Variants in NXN observed in about 807,000 individuals in gnomAD.
NXN encodes the protein nucleoredoxin.
Under a neutral mutation model 48.6 loss-of-function variants are expected in NXN, and 16 were observed. The observed-to-expected ratio is 0.33, with a 90% CI of 0.22 to 0.50. The LOEUF (loss-of-function observed/expected upper bound fraction) is 0.50. Ranked by LOEUF, NXN falls within the 20% of genes least tolerant of loss-of-function variation. The pLI is 0.98. For missense variants in NXN, 492 were observed against 605.5 expected, an observed-to-expected ratio of 0.81 and a Z score of 1.97; for synonymous variants, 281 against 269.6, an observed-to-expected ratio of 1.04 and a Z score of -0.41.
At chr17:898,725 G>A (rs1454797770) in intron 1 of NXN, among the ~76,000 whole-genome samples, 2 of 69,678 alleles carry the variant, frequency 2.9e-5, no homozygotes, top group African/African-American at 6.6e-5. Context: ...TAGCCAGGAC[G>A]GTAGTGCACA....
intron 1 of NXN, among the ~76,000 whole-genome samples, chr17:911,664 C>T (rs2144924698): frequency 6.6e-6 from 1 of 151,316 alleles, no homozygotes; most frequent in African/African-American, 2.4e-5. Context: ...AGGTTTCTTT[C>T]ACCCTGTTAG....
rs1567850413 is a variant in NXN, at chr17:889,763, A to AAAG, written c.361-63686_361-63685insCTT. 3.9e-4 allele frequency among the ~76,000 whole-genome samples: 47 copies of AAAG among 121,464 alleles called. 1 individual carries two copies. Among genetic ancestry groups the AAAG allele is most frequent in the South Asian group, 1.7e-3 (5 of 2,904 alleles). 79.7% of individuals were successfully genotyped at this position (121,464 alleles called of 152,430 possible). On this transcript the variant is annotated intron_variant, in intron 1 of 7. Coordinates refer to ENST00000336868, the MANE Select transcript of NXN (RefSeq NM_022463.5). ...AGAAAGAAAGAAAGAAAGAAAGAAA[A>AAAG]AGAAAGAAAGAAAAGAGAGAGAAAA...
At chr17:906,603 G>T (rs58829953) in intron 1 of NXN, among the ~76,000 whole-genome samples, 2 of 149,290 alleles carry the variant, frequency 1.3e-5, no homozygotes, top group East Asian at 3.9e-4. Context: ...GTCTCACTCT[G>T]TCACCCAGGC....
chr17:941,891 C>T (rs1183142329), intron 1 of NXN, among the ~76,000 whole-genome samples: 3 of 59,636 alleles, frequency 5.0e-5, no homozygotes, highest in Non-Finnish European at 6.8e-5. Context: ...GATTCCAGGG[C>T]GCAGCCATGA....
At chr17:831,031 T>C (rs1913432134) in intron 1 of NXN, among the ~76,000 whole-genome samples, 1 of 147,400 alleles carries the variant, frequency 6.8e-6, no homozygotes, top group African/African-American at 2.5e-5. Flanking sequence ...CTCTAACCTA[T>C]GCTGATTGGG....
At chr17:969,165 AC>A (rs1425954712) in intron 1 of NXN, among the ~76,000 whole-genome samples, 2 of 152,184 alleles carry the variant, frequency 1.3e-5, no homozygotes, top group Non-Finnish European at 2.9e-5. Context: ...TTTAAACGGC[AC>A]GTGCTATGCA....
chr17:813,890 C>T lies in NXN; in HGVS notation c.820+5549G>A, dbSNP rs139792505. ...CTGAGGCAGGAAGATCGCTTGAACC[C>T]GGGAGGCAGAGGTTGCAGTGAGCCA... On this transcript the variant is annotated intron_variant, in intron 5 of 7. Coordinates refer to ENST00000336868, the MANE Select transcript of NXN (RefSeq NM_022463.5). Among the ~76,000 whole-genome samples the T allele has an allele frequency of 1.4e-3, 213 of 151,786 alleles. 2 individuals are homozygous for T. Among genetic ancestry groups the T allele is most frequent in the African/African-American group, 3.8e-3 (158 of 41,358 alleles).
At chr17:893,578 G>A (rs1282062967) in intron 1 of NXN, among the ~76,000 whole-genome samples, 1 of 151,168 alleles carries the variant, frequency 6.6e-6, no homozygotes. Flanking sequence ...GGAAGCCAGA[G>A]GAAGCATCTC....
At chr17:876,099 T>G (rs145583729) in intron 1 of NXN, among the ~76,000 whole-genome samples, 2 of 151,582 alleles carry the variant, frequency 1.3e-5, no homozygotes, top group Non-Finnish European at 2.9e-5. Context: ...GAGAATCGCT[T>G]GAACCTGGGG....
chr17:929,013 A>T (rs1450568314), intron 1 of NXN, among the ~76,000 whole-genome samples: 1 of 152,242 alleles, frequency 6.6e-6, no homozygotes, highest in Non-Finnish European at 1.5e-5. Context: ...AGTAAAGCCG[A>T]GGCCTTAAAT....
At chr17:934,738 A>G (rs8067242) in intron 1 of NXN, among the ~76,000 whole-genome samples, 44,219 of 147,980 alleles carry the variant, frequency 0.3, 6,868 homozygotes, top group South Asian at 0.38. Flanking sequence ...GCTGGTCGTG[A>G]TGGCACGCAC....
At chr17:835,122 C>G (rs1273404093) in intron 1 of NXN, among the ~76,000 whole-genome samples, 2 of 151,210 alleles carry the variant, frequency 1.3e-5, no homozygotes, top group African/African-American at 2.4e-5. Context: ...TCCTGGCTAA[C>G]ATGGTGAAAC....
chr17:837,930 G>T (rs1043024661), intron 1 of NXN, among the ~76,000 whole-genome samples: 5 of 152,168 alleles, frequency 3.3e-5, no homozygotes, highest in African/African-American at 1.2e-4. Context: ...TGGCAAGAGC[G>T]TGAGGTTCAC....
At chr17:913,673 C>G (rs1356729286) in intron 1 of NXN, among the ~76,000 whole-genome samples, 1 of 149,154 alleles carries the variant, frequency 6.7e-6, no homozygotes, top group African/African-American at 2.6e-5. Flanking sequence ...CCCCACGTCC[C>G]CAGGCAATGC....
intron 1 of NXN, among the ~76,000 whole-genome samples, chr17:935,014 G>A (rs1200685029): frequency 6.6e-6 from 1 of 151,432 alleles, no homozygotes; most frequent in East Asian, 1.9e-4. Context: ...TTTTGAGATG[G>A]GGTCTCTCAC....
At chr17:871,418 T>C (rs2068153021) in intron 1 of NXN, among the ~76,000 whole-genome samples, 1 of 138,612 alleles carries the variant, frequency 7.2e-6, no homozygotes, top group Non-Finnish European at 1.6e-5. Flanking sequence ...TTTTTTTTTT[T>C]TTTTGAGATG....
chr17:842,986 AAGAGAGAAAGAGAGAAAGAG>A (rs1333536660), intron 1 of NXN, among the ~76,000 whole-genome samples: 3,302 of 114,792 alleles, frequency 0.029, 48 homozygotes, highest in African/African-American at 0.048. Context: ...GAAAGAGAGA[AAGAGAGAAAGAGAGAAAGAG>A]AGAAAGAAAG....
intron 1 of NXN, among the ~76,000 whole-genome samples, chr17:884,757 C>T (rs1454060225): frequency 1.3e-5 from 2 of 152,140 alleles, no homozygotes; most frequent in African/African-American, 4.8e-5. Context: ...GACGGTCCCT[C>T]GGGAATTAAT....
At chr17:828,114 G>GC (rs1913234618) in intron 1 of NXN, among the ~76,000 whole-genome samples, 1 of 151,652 alleles carries the variant, frequency 6.6e-6, no homozygotes, top group Admixed American at 6.6e-5. Flanking sequence ...TTGTTTTTTG[G>GC]TTTTTTTTAA....
Sources: gnomAD v4.1 joint callset for allele counts (sites outside exome capture counted in the v4.1 genomes callset) on GRCh38, gnomAD v4.1.1 for gene constraint, MANE v1.5 for transcripts, NCBI Gene and HGNC (gene_info 2026-07-23, HGNC 2026-07-21) for gene names.